CRTC1: variants seen among roughly 807,000 people sequenced by gnomAD.
CRTC1 encodes CREB regulated transcription coactivator 1.
In CRTC1, 18 loss-of-function variants were observed where a neutral mutation model predicts 66.1. The ratio of observed to expected loss-of-function variants is 0.27; its 90% CI spans 0.19 to 0.40. The LOEUF is 0.40. Among genes scored for constraint, CRTC1 ranks in the 10% least tolerant of loss-of-function variants. CRTC1 has a pLI of 1.00. For missense variants in CRTC1, 669 were observed against 887.9 expected (o/e 0.75, Z 3.13); for synonymous variants, 416 against 398.8 (o/e 1.04, Z -0.51).
chr19:18,734,862 T>A (rs1352500980), intron 1 of CRTC1, among the ~76,000 whole-genome samples: 2 of 152,284 alleles, frequency 1.3e-5, no homozygotes, highest in South Asian at 2.1e-4. Flanking sequence ...TAGCCTCTCC[T>A]GTTCCCCTGG....
chr19:18,740,685 C>A (rs1600898683), intron 1 of CRTC1, among the ~76,000 whole-genome samples: 1 of 152,264 alleles, frequency 6.6e-6, no homozygotes, highest in South Asian at 2.1e-4. Flanking sequence ...CATGCAAAAC[C>A]AAGAATGAGC....
intron 6 of CRTC1, 27 bp downstream of exon 6, chr19:18,753,612 T>A (rs772925998): frequency 3.3e-5 from 51 of 1,553,786 alleles, no homozygotes; most frequent in Non-Finnish European, 1.3e-5. Flanking sequence ...TTTCAAAAAC[T>A]TTTTTTCTTC....
At chr19:18,766,287 A>ATTTTTTTTTTTTTTTTTTTT (rs1020411277) in intron 9 of CRTC1, among the ~76,000 whole-genome samples, 1 of 109,680 alleles carries the variant, frequency 9.1e-6, no homozygotes, top group Non-Finnish European at 1.8e-5. Context: ...TGCCTGGCTA[A>ATTTTTTTTTTTTTTTTTTTT]TTTTTTTTTT....
intron 3 of CRTC1, 21 bp from the exon 4 acceptor site, chr19:18,747,032 T>G (rs2054255790): frequency 6.2e-7 from 1 of 1,610,670 alleles, no homozygotes; most frequent in African/African-American, 1.3e-5. Context: ...CCAGTGGCAC[T>G]GCCCCCTTAA....
intron 1 of CRTC1, among the ~76,000 whole-genome samples, chr19:18,732,777 T>C (rs2053918585): frequency 6.6e-6 from 1 of 152,112 alleles, no homozygotes; most frequent in African/African-American, 2.4e-5. Context: ...AACCTGGGGA[T>C]ACTCCAGAAG....
At chr19:18,754,347 C>A (rs924399766) in intron 6 of CRTC1, among the ~76,000 whole-genome samples, 2 of 152,082 alleles carry the variant, frequency 1.3e-5, no homozygotes, top group Non-Finnish European at 1.5e-5. Context: ...AAAGTGAGAC[C>A]CTGCCTCTAC....
intron 1 of CRTC1, among the ~76,000 whole-genome samples, chr19:18,729,511 G>A (rs1452502505): frequency 1.3e-5 from 2 of 151,734 alleles, no homozygotes; most frequent in African/African-American, 4.8e-5. Context: ...GTGGGAGGCC[G>A]AGTCAGGAGG....
intron 6 of CRTC1, among the ~76,000 whole-genome samples, chr19:18,755,456 A>T (rs114615906): frequency 6.8e-6 from 1 of 146,910 alleles, no homozygotes; most frequent in Non-Finnish European, 1.5e-5. Flanking sequence ...TTGAGGCAGG[A>T]TCTTGCTCTG....
chr19:18,708,233 G>A (rs752306148), intron 1 of CRTC1, among the ~76,000 whole-genome samples: 1 of 152,170 alleles, frequency 6.6e-6, no homozygotes. Flanking sequence ...GAGCCAAGCT[G>A]GAGAGCTTGG....
At position 18,760,286 on chromosome 19, in the gene CRTC1, C is replaced by A; in HGVS notation, c.886+58C>A. The A allele has an allele frequency of 1.5e-6, 2 of 1,355,464 alleles. No individual in the cohort carries two copies. The highest frequency in any genetic ancestry group is 2.0e-6 in the Non-Finnish European group (2 of 982,204). 84.0% of individuals were successfully genotyped at this position (1,355,464 alleles called of 1,614,324 possible). On this transcript the variant is annotated intron_variant, in intron 8 of 13. Transcript: ENST00000321949. The surrounding 1 kb of genome is among the most constrained non-coding windows in gnomAD (Gnocchi z 6.2). ...CACTGGCTTGTGGAGACAACACGGG[C>A]ATCTGCAGGATGACTTGGCAGAGTC... is the stretch of plus-strand genomic sequence containing the variant.
In CRTC1 at chr19:18,777,601, G is replaced by A; in HGVS notation, c.*219G>A. 2 of 538,942 alleles carry A rather than the reference G, an allele frequency of 3.7e-6. No individual in the cohort carries two copies. The highest frequency in any genetic ancestry group is 2.2e-5 in the South Asian group (1 of 45,360). The allele number at this position is 538,942 out of a possible 1,614,324, so 33.4% of individuals were successfully genotyped here. A position where few individuals can be genotyped will look rare whatever the true frequency, so the allele number is the denominator to read the frequency against. On this transcript the variant is annotated 3_prime_UTR_variant, in exon 14 of 14. Coordinates refer to ENST00000321949, the MANE Select transcript of CRTC1 (RefSeq NM_015321.3). This position sits in a 1 kb window ranked among gnomAD's most constrained non-coding sequence, Gnocchi z 5.5. ...TCCACCCACCCGCCCGCCCAGGGCTGGGCTGGGATCGGAGGCCGTGAGCCT... is the reference window on the plus strand; with the variant it reads ...TCCACCCACCCGCCCGCCCAGGGCTAGGCTGGGATCGGAGGCCGTGAGCCT...
At chr19:18,706,345 A>G (rs2053266307) in intron 1 of CRTC1, among the ~76,000 whole-genome samples, 1 of 151,458 alleles carries the variant, frequency 6.6e-6, no homozygotes, top group African/African-American at 2.4e-5. Context: ...AGCTGGGATT[A>G]CAGGTGCCCA....
chr19:18,768,933 A>C lies in CRTC1; in HGVS notation c.1320+140A>C. ...GAACGCTGCCTGGGCCCACCTCTCC[A>C]CGGGGCTACCCCTTGGAATCAAACT... is the stretch of plus-strand genomic sequence containing the variant. On this transcript the variant is annotated intron_variant, in intron 10 of 13. Coordinates refer to ENST00000321949, the MANE Select transcript of CRTC1 (RefSeq NM_015321.3). The surrounding 1 kb of genome is among the most constrained non-coding windows in gnomAD (Gnocchi z 5.6). 9.3e-7 allele frequency: 1 copy of C among 1,078,756 alleles called. No homozygotes were observed. The highest frequency in any genetic ancestry group is 1.3e-6 in the Non-Finnish European group (1 of 769,242). The allele number at this position is 1,078,756 out of a possible 1,614,324, so 66.8% of individuals were successfully genotyped here. A position where few individuals can be genotyped will look rare whatever the true frequency, so the allele number is the denominator to read the frequency against.
At chr19:18,772,277 C>T (rs893435427) in intron 11 of CRTC1, among the ~76,000 whole-genome samples, 3 of 152,218 alleles carry the variant, frequency 2.0e-5, no homozygotes, top group South Asian at 4.1e-4. Context: ...TCCTGTTGTA[C>T]TTTGACATCA....
chr19:18,777,706 A>C lies in CRTC1; in HGVS notation c.*324A>C. ...TGAGCCGTCCCCTGTAAGATGCGGG[A>C]AGTGTCAGCTCCCGGCGTGGCGGGC... On this transcript the variant is annotated 3_prime_UTR_variant, in exon 14 of 14. Coordinates refer to ENST00000321949, the MANE Select transcript of CRTC1 (RefSeq NM_015321.3). The surrounding 1 kb of genome is among the most constrained non-coding windows in gnomAD (Gnocchi z 5.5). The C allele has an allele frequency of 2.6e-6, 1 of 379,408 alleles. No homozygotes were observed. Among genetic ancestry groups the C allele is most frequent in the Non-Finnish European group, 4.8e-6 (1 of 207,948 alleles). The allele number at this position is 379,408 out of a possible 1,614,324, so 23.5% of individuals were successfully genotyped here.
At chr19:18,693,638 T>C (rs778299719) in intron 1 of CRTC1, among the ~76,000 whole-genome samples, 18 of 151,246 alleles carry the variant, frequency 1.2e-4, no homozygotes, top group Admixed American at 5.9e-4. Context: ...TCCACCACCA[T>C]GCCCGGCTAC....
chr19:18,743,102 G>A (rs1006689741), intron 2 of CRTC1, 76 bp downstream of exon 2: 4 of 1,117,182 alleles, frequency 3.6e-6, no homozygotes, highest in African/African-American at 1.5e-5. Flanking sequence ...CAGACATTGA[G>A]GACAGCTGGG....
At chr19:18,740,425 T>A (rs557873687) in intron 1 of CRTC1, among the ~76,000 whole-genome samples, 2 of 152,288 alleles carry the variant, frequency 1.3e-5, no homozygotes, top group East Asian at 3.9e-4. Context: ...TACTGGGGGC[T>A]GGTCCTGTAG....
intron 1 of CRTC1, among the ~76,000 whole-genome samples, chr19:18,708,992 C>G (rs1045053795): frequency 6.6e-6 from 1 of 152,218 alleles, no homozygotes; most frequent in Non-Finnish European, 1.5e-5. Flanking sequence ...GGGAGGAAGG[C>G]TGAGGGGAAG....
Sources: allele counts gnomAD v4.1 joint callset (sites outside exome capture counted in the v4.1 genomes callset), GRCh38; gene constraint gnomAD v4.1.1; non-coding constraint Gnocchi (gnomAD v3.1); transcripts MANE v1.5; gene names NCBI Gene and HGNC (gene_info 2026-07-23, HGNC 2026-07-21).